TTLL5: variants seen among roughly 807,000 people sequenced by gnomAD.
TTLL5 encodes the protein tubulin tyrosine ligase like 5, also known as tubulin polyglutamylase TTLL5.
A neutral mutation model predicts 168.4 loss-of-function variants in TTLL5; 132 were observed. That is an observed-to-expected ratio of 0.78 (90% CI 0.68 to 0.91). The LOEUF (loss-of-function observed/expected upper bound fraction) is 0.91, where lower values mean the gene tolerates loss of function less well. TTLL5 is among the 40% of genes least tolerant of loss of function. The probability of loss-of-function intolerance (pLI) is 0.00; values close to 1 mark genes in which losing one functional copy is unlikely to be tolerated. For synonymous variants in TTLL5, 546 were observed against 558.6 expected, an observed-to-expected ratio of 0.98 and a Z score of 0.32; for missense variants, 1,545 against 1,581.5, an observed-to-expected ratio of 0.98 and a Z score of 0.39.
chr14:75,923,873 T>C (rs2033912666), intron 31 of TTLL5, among the ~76,000 whole-genome samples: 1 of 152,232 alleles, frequency 6.6e-6, no homozygotes, highest in Non-Finnish European at 1.5e-5. Flanking sequence ...GAACTTGCTT[T>C]ATGAATCTGG....
At chr14:75,698,529 A>G (rs1056359514) in intron 6 of TTLL5, among the ~76,000 whole-genome samples, 8 of 152,190 alleles carry the variant, frequency 5.3e-5, no homozygotes, top group East Asian at 3.8e-4. Flanking sequence ...AAGCATTTCA[A>G]AGATTCATGA....
At position 75,942,931 on chromosome 14, in the gene TTLL5, C is replaced by T. The variant is rs1166469189; in HGVS notation, c.3824-11493C>T. Among the ~76,000 whole-genome samples, 3 of 152,204 alleles carry T rather than the reference C, an allele frequency of 2.0e-5. No homozygotes were observed. In the East Asian group the frequency reaches 5.8e-4, roughly 29 times the overall value. On this transcript the variant is annotated intron_variant, in intron 31 of 31. Transcript: ENST00000298832. ...TGACTTTAGGACTAACATAATAAGA[C>T]ATAACTTCATTTATTTCATAAATGC...
intron 4 of TTLL5, among the ~76,000 whole-genome samples, chr14:75,682,059 G>A (rs1050152097): frequency 5.9e-5 from 9 of 151,752 alleles, no homozygotes; most frequent in Admixed American, 3.9e-4. Flanking sequence ...GTGTGGTGGT[G>A]TGCAACTGTA....
chr14:75,788,238 A>G (rs952380193), intron 26 of TTLL5, among the ~76,000 whole-genome samples: 1 of 152,178 alleles, frequency 6.6e-6, no homozygotes, highest in Non-Finnish European at 1.5e-5. Flanking sequence ...CAACAGTATC[A>G]TAAATCTAAA....
At chr14:75,917,736 C>A (rs562449797) in intron 31 of TTLL5, among the ~76,000 whole-genome samples, 2 of 152,274 alleles carry the variant, frequency 1.3e-5, no homozygotes, top group South Asian at 4.1e-4. Flanking sequence ...GACAGCAGTT[C>A]TGGTTGGCAG....
chr14:75,666,458 G>A (rs1291432422), intron 2 of TTLL5, among the ~76,000 whole-genome samples: 1 of 152,208 alleles, frequency 6.6e-6, no homozygotes, highest in Non-Finnish European at 1.5e-5. Context: ...GTAGAAGAAC[G>A]TGATGTAAGA....
chr14:75,766,419 A>G (rs762543509), intron 20 of TTLL5, 51 bp downstream of exon 20: 6 of 1,475,552 alleles, frequency 4.1e-6, no homozygotes, highest in East Asian at 2.3e-5. Context: ...GCTAACTTGT[A>G]CTGTGTACCA....
chr14:75,772,300 A>T (rs1891383131), intron 21 of TTLL5, among the ~76,000 whole-genome samples: 2 of 152,194 alleles, frequency 1.3e-5, no homozygotes, highest in South Asian at 4.1e-4. Flanking sequence ...GTTATACGTG[A>T]TGAAACCAGA....
chr14:75,675,791 T>G (rs1275813128), intron 3 of TTLL5, among the ~76,000 whole-genome samples: 1 of 152,120 alleles, frequency 6.6e-6, no homozygotes, highest in Non-Finnish European at 1.5e-5. Context: ...TACATATTAG[T>G]CAGGGTGTTC....
At chr14:75,904,699 A>G (rs988246932) in intron 31 of TTLL5, among the ~76,000 whole-genome samples, 1 of 152,126 alleles carries the variant, frequency 6.6e-6, no homozygotes, top group Admixed American at 6.5e-5. Context: ...TGCTAATTCT[A>G]CTTTATGGTA....
intron 13 of TTLL5, among the ~76,000 whole-genome samples, chr14:75,733,323 A>G (rs1053799417): frequency 1.3e-5 from 2 of 152,220 alleles, no homozygotes; most frequent in Non-Finnish European, 2.9e-5. Context: ...AGTTTGGTTC[A>G]TGGAGGAACA....
intron 17 of TTLL5, among the ~76,000 whole-genome samples, chr14:75,748,932 G>A (rs1889779932): frequency 6.6e-6 from 1 of 152,174 alleles, no homozygotes; most frequent in Non-Finnish European, 1.5e-5. Context: ...TAGTTGGGAT[G>A]TTCGTGGTTC....
rs368972558 is a variant in TTLL5, at chr14:75,821,637, A to G, written c.3326+1476A>G. Reference sequence around the variant, plus strand: ...ATGAGGGAAAACATTTTTAATAACAATTGTGGCTGGGTTTAGAGCTTTCTT... The same window carrying G: ...ATGAGGGAAAACATTTTTAATAACAGTTGTGGCTGGGTTTAGAGCTTTCTT... On this transcript the variant is annotated intron_variant, in intron 28 of 31. Coordinates refer to ENST00000298832, the MANE Select transcript of TTLL5 (RefSeq NM_015072.5). Among the ~76,000 whole-genome samples the G allele has an allele frequency of 1.1e-4, 17 of 152,280 alleles. No individual in the cohort carries two copies. In the East Asian group the frequency reaches 2.3e-3, roughly 21 times the overall value.
At chr14:75,929,365 A>G (rs2034195307) in intron 31 of TTLL5, among the ~76,000 whole-genome samples, 10 of 152,010 alleles carry the variant, frequency 6.6e-5, no homozygotes, top group Admixed American at 6.6e-4. Context: ...AGTTTGACAA[A>G]TGCTATTTAC....
At chr14:75,773,434 T>C (rs1184798830) in intron 21 of TTLL5, among the ~76,000 whole-genome samples, 1 of 152,054 alleles carries the variant, frequency 6.6e-6, no homozygotes, top group African/African-American at 2.4e-5. Flanking sequence ...CAAAGGACAA[T>C]GAACCAAAAT....
At chr14:75,719,136 A>G (rs1006004689) in intron 10 of TTLL5, among the ~76,000 whole-genome samples, 2 of 152,156 alleles carry the variant, frequency 1.3e-5, no homozygotes, top group East Asian at 1.9e-4. Flanking sequence ...TGCCATAGCA[A>G]TAGTATACCT....
intron 3 of TTLL5, 119 bp from the exon 4 acceptor site, chr14:75,681,426 T>C (rs1428884205): frequency 1.3e-6 from 1 of 755,196 alleles, no homozygotes; most frequent in East Asian, 2.7e-5. Flanking sequence ...AACTTATTTA[T>C]AATCATTTTA....
At chr14:75,666,492 T>C (rs1883270747) in intron 2 of TTLL5, among the ~76,000 whole-genome samples, 1 of 152,252 alleles carries the variant, frequency 6.6e-6, no homozygotes, top group African/African-American at 2.4e-5. Flanking sequence ...TGAAAAAATG[T>C]CAACTTTAAT....
chr14:75,811,630 C>A (rs898775793), intron 27 of TTLL5, among the ~76,000 whole-genome samples: 1 of 152,114 alleles, frequency 6.6e-6, no homozygotes, highest in Non-Finnish European at 1.5e-5. Flanking sequence ...TCTGCACATG[C>A]GTTAGCGCTT....
Sources: allele counts gnomAD v4.1 joint callset (sites outside exome capture counted in the v4.1 genomes callset), GRCh38; gene constraint gnomAD v4.1.1; transcripts MANE v1.5; gene names NCBI Gene and HGNC (gene_info 2026-07-23, HGNC 2026-07-21).